Variants in LINGO2 observed in about 807,000 individuals in gnomAD.
The protein encoded by LINGO2 is leucine rich repeat and Ig domain containing 2.
Under a neutral mutation model 30.6 loss-of-function variants are expected in LINGO2, and 14 were observed. That is an observed-to-expected ratio of 0.46 (90% CI 0.30 to 0.72). LINGO2 has a LOEUF of 0.72. Among genes scored for constraint, LINGO2 ranks in the 30% least tolerant of loss-of-function variants. The pLI is 0.07. For missense variants in LINGO2, 729 were observed against 751.7 expected, an observed-to-expected ratio of 0.97 and a Z score of 0.35; for synonymous variants, 317 against 288.5, an observed-to-expected ratio of 1.10 and a Z score of -1.00.
chr9:29,199,050 C>T, the LINGO2 span, among the ~76,000 whole-genome samples: 16 of 152,114 alleles, frequency 1.1e-4, no homozygotes, highest in South Asian at 3.1e-3. Flanking sequence ...ATTTCTTGTT[C>T]AAGTATAATG....
chr9:28,532,025 G>A (rs532540838), intron 1 of LINGO2, among the ~76,000 whole-genome samples: 2 of 152,140 alleles, frequency 1.3e-5, no homozygotes, highest in African/African-American at 4.8e-5. Flanking sequence ...TTTACAAACC[G>A]GTAACGTTCC....
chr9:28,433,724 C>T (rs534197305), intron 2 of LINGO2, among the ~76,000 whole-genome samples: 2 of 151,978 alleles, frequency 1.3e-5, no homozygotes, highest in African/African-American at 2.4e-5. Flanking sequence ...TTGGAGATTC[C>T]TTAAAGAGCT....
At chr9:28,988,745 G>A in the LINGO2 span, among the ~76,000 whole-genome samples, 29 of 152,318 alleles carry the variant, frequency 1.9e-4, no homozygotes, top group Non-Finnish European at 1.0e-4. Flanking sequence ...TAGAAACCAT[G>A]AGCCCAGGGA....
At chr9:29,075,465 T>C in the LINGO2 span, among the ~76,000 whole-genome samples, 2 of 152,156 alleles carry the variant, frequency 1.3e-5, no homozygotes, top group Non-Finnish European at 2.9e-5. Flanking sequence ...TTTAATTTGG[T>C]ACTAATAAGA....
At chr9:28,705,058 G>C in the LINGO2 span, among the ~76,000 whole-genome samples, 1 of 152,058 alleles carries the variant, frequency 6.6e-6, no homozygotes, top group African/African-American at 2.4e-5. Context: ...GGGATTACAG[G>C]TAAGCACCAC....
chr9:28,087,598 C>T (rs969880288), intron 4 of LINGO2, among the ~76,000 whole-genome samples: 5 of 151,946 alleles, frequency 3.3e-5, no homozygotes, highest in African/African-American at 1.2e-4. Context: ...CTGGAATGAT[C>T]ATGAAATAGA....
intron 4 of LINGO2, among the ~76,000 whole-genome samples, chr9:28,135,357 A>C (rs1005774166): frequency 5.9e-5 from 9 of 152,180 alleles, no homozygotes; most frequent in African/African-American, 2.2e-4. Flanking sequence ...AGAGAAAATA[A>C]AATGAGTAAA....
the LINGO2 span, among the ~76,000 whole-genome samples, chr9:28,825,050 CACA>C: frequency 1.8e-4 from 27 of 152,254 alleles, no homozygotes; most frequent in Middle Eastern, 3.4e-3. Context: ...ATTATGAAGG[CACA>C]ACTTTTCCCC....
In LINGO2 at chr9:28,423,078, G is replaced by A. The variant is rs893956805; in HGVS notation, c.-278-50210C>T. 3.3e-5 allele frequency among the ~76,000 whole-genome samples: 5 copies of A among 152,146 alleles called. No individual in the cohort carries two copies. In the South Asian group the frequency reaches 8.3e-4, roughly 25 times the overall value. ...ATACAGATTTCCAGTTTTGCAGGAC[G>A]AAAAGAGTCCCAAAGGTTGATCGTG... On this transcript the variant is annotated intron_variant, in intron 2 of 5. Coordinates refer to ENST00000379992, the Ensembl canonical transcript of LINGO2.
chr9:28,641,864 A>G (rs1025539537), intron 1 of LINGO2, among the ~76,000 whole-genome samples: 14 of 152,140 alleles, frequency 9.2e-5, no homozygotes, highest in African/African-American at 3.4e-4. Context: ...GCATGAGACT[A>G]AATAACCATG....
intron 4 of LINGO2, among the ~76,000 whole-genome samples, chr9:28,070,881 T>C (rs1825454989): frequency 6.6e-6 from 1 of 152,118 alleles, no homozygotes; most frequent in East Asian, 1.9e-4. Flanking sequence ...CTGCCTATTT[T>C]TTAAAATTCT....
At chr9:28,855,124 T>C in the LINGO2 span, among the ~76,000 whole-genome samples, 5 of 152,074 alleles carry the variant, frequency 3.3e-5, no homozygotes, top group Admixed American at 2.0e-4. Flanking sequence ...ACGGGTTCTT[T>C]AGTGGGTGCT....
the LINGO2 span, among the ~76,000 whole-genome samples, chr9:28,764,105 A>G: frequency 6.6e-6 from 1 of 151,238 alleles, no homozygotes; most frequent in African/African-American, 2.5e-5. Context: ...TCGGAAGAAG[A>G]TTTAATACCA....
chr9:29,021,668 GAAGA>G, the LINGO2 span, among the ~76,000 whole-genome samples: 2 of 129,584 alleles, frequency 1.5e-5, no homozygotes, highest in South Asian at 2.4e-4. Context: ...AAAAAAGAAA[GAAGA>G]AAGAAAAGAA....
At chr9:28,629,954 G>A (rs1407061978) in intron 1 of LINGO2, among the ~76,000 whole-genome samples, 1 of 148,340 alleles carries the variant, frequency 6.7e-6, no homozygotes, top group Admixed American at 7.3e-5. Flanking sequence ...CCCAGAGTGT[G>A]ATATTCCCCT....
the LINGO2 span, among the ~76,000 whole-genome samples, chr9:28,950,981 A>G: frequency 1.3e-5 from 2 of 152,162 alleles, no homozygotes; most frequent in African/African-American, 2.4e-5. Flanking sequence ...ATGCTACCTG[A>G]CTTCAAACTA....
At chr9:28,172,894 C>G (rs1828642357) in intron 4 of LINGO2, among the ~76,000 whole-genome samples, 1 of 152,184 alleles carries the variant, frequency 6.6e-6, no homozygotes, top group African/African-American at 2.4e-5. Context: ...ACATGCACAA[C>G]TCTTATCTTT....
At chr9:28,994,992 T>C in the LINGO2 span, among the ~76,000 whole-genome samples, 3 of 151,896 alleles carry the variant, frequency 2.0e-5, no homozygotes, top group African/African-American at 4.8e-5. Context: ...CCAAAAGCAA[T>C]GGCAACAAAA....
At chr9:28,814,483 C>G in the LINGO2 span, among the ~76,000 whole-genome samples, 3 of 152,124 alleles carry the variant, frequency 2.0e-5, no homozygotes, top group Non-Finnish European at 4.4e-5. Flanking sequence ...TGTCTCTTGC[C>G]AAGGTAACAC....
Sources: allele counts gnomAD v4.1 joint callset (sites outside exome capture counted in the v4.1 genomes callset), GRCh38; gene constraint gnomAD v4.1.1; transcripts MANE v1.5; gene names NCBI Gene and HGNC (gene_info 2026-07-23, HGNC 2026-07-21).